Variants in ADAM12 observed in about 807,000 individuals in gnomAD.
The protein encoded by ADAM12 is disintegrin and metalloproteinase domain-containing protein 12.
In ADAM12, 70 loss-of-function variants were observed where a neutral mutation model predicts 106.4. That is an observed-to-expected ratio of 0.66 (90% CI 0.54 to 0.80). The LOEUF is 0.80. Among genes scored for constraint, ADAM12 ranks in the 30% least tolerant of loss-of-function variants. The pLI is 0.00. For missense variants in ADAM12, 1,010 were observed against 1,171.9 expected, an observed-to-expected ratio of 0.86 and a Z score of 2.02; for synonymous variants, 420 against 433.5, an observed-to-expected ratio of 0.97 and a Z score of 0.39.
At chr10:126,206,499 A>T (rs1957796884) in intron 3 of ADAM12, among the ~76,000 whole-genome samples, 1 of 152,180 alleles carries the variant, frequency 6.6e-6, no homozygotes, top group African/African-American at 2.4e-5. Flanking sequence ...ATGAGCAAAG[A>T]GAAACCCCCA....
At chr10:126,134,890 T>G (rs1956376371) in intron 5 of ADAM12, among the ~76,000 whole-genome samples, 1 of 152,174 alleles carries the variant, frequency 6.6e-6, no homozygotes, top group Admixed American at 6.5e-5. Context: ...TACAAACATT[T>G]AGTTCACAAA....
chr10:126,319,202 G>A (rs1854005233), intron 2 of ADAM12, among the ~76,000 whole-genome samples: 1 of 152,150 alleles, frequency 6.6e-6, no homozygotes, highest in African/African-American at 2.4e-5. Flanking sequence ...AATAATGGAT[G>A]CAGCTACCTC....
chr10:126,275,840 A>G (rs1405905642), intron 3 of ADAM12, among the ~76,000 whole-genome samples: 1 of 152,198 alleles, frequency 6.6e-6, no homozygotes, highest in Non-Finnish European at 1.5e-5. Flanking sequence ...TAATTTTAAA[A>G]GTAATATTTT....
intron 2 of ADAM12, among the ~76,000 whole-genome samples, chr10:126,324,820 T>C (rs1379649529): frequency 6.6e-6 from 1 of 151,978 alleles, no homozygotes; most frequent in East Asian, 1.9e-4. Context: ...TGATTGGAAG[T>C]AGATGATCAA....
chr10:126,019,613 C>A (rs1241409554), intron 22 of ADAM12, 82 bp downstream of exon 22: 2 of 1,543,880 alleles, frequency 1.3e-6, no homozygotes, highest in African/African-American at 2.7e-5. Flanking sequence ...ACCACTGCAC[C>A]CCTGTCCTGG....
chr10:126,092,151 A>G (rs1396293741), intron 11 of ADAM12, among the ~76,000 whole-genome samples: 2 of 152,242 alleles, frequency 1.3e-5, no homozygotes, highest in Non-Finnish European at 2.9e-5. Flanking sequence ...AACATTAACA[A>G]TATTAACAAT....
chr10:126,191,436 G>A lies in ADAM12; in HGVS notation c.261-36131C>T, dbSNP rs537503845. Among the ~76,000 whole-genome samples the A allele has an allele frequency of 2.6e-5, 4 of 152,272 alleles. 1 individual carries two copies. In the South Asian group the frequency reaches 8.3e-4, roughly 32 times the overall value. On this transcript the variant is annotated intron_variant, in intron 3 of 22. Transcript: ENST00000448723. Reference sequence around the variant, plus strand: ...AGGAAGTCAGCAGGTGACCGCATGAGTCCAGATGAAAGGTGATGATGGTTT... The same window carrying A: ...AGGAAGTCAGCAGGTGACCGCATGAATCCAGATGAAAGGTGATGATGGTTT...
intron 1 of ADAM12, among the ~76,000 whole-genome samples, chr10:126,353,692 G>GTCTT (rs1855441288): frequency 1.3e-5 from 2 of 152,124 alleles, no homozygotes; most frequent in Non-Finnish European, 2.9e-5. Flanking sequence ...ACCACTATTT[G>GTCTT]TGAATAGACA....
At chr10:126,046,482 C>T (rs1158404022) in intron 16 of ADAM12, among the ~76,000 whole-genome samples, 3 of 152,002 alleles carry the variant, frequency 2.0e-5, no homozygotes, top group Non-Finnish European at 4.4e-5. Flanking sequence ...CTATGTACTG[C>T]AGTATTTTTT....
intron 12 of ADAM12, among the ~76,000 whole-genome samples, chr10:126,068,478 T>C (rs1954918567): frequency 6.6e-6 from 1 of 152,170 alleles, no homozygotes; most frequent in Admixed American, 6.5e-5. Context: ...GGGATGATAA[T>C]GTGAGAAAGA....
intron 3 of ADAM12, among the ~76,000 whole-genome samples, chr10:126,162,674 G>A (rs772200810): frequency 5.3e-5 from 8 of 152,086 alleles, no homozygotes; most frequent in Admixed American, 1.3e-4. Context: ...TGGTGTGAGC[G>A]TCCATACAGA....
chr10:126,375,709 A>AT (rs1261396260), intron 1 of ADAM12, among the ~76,000 whole-genome samples: 1 of 148,378 alleles, frequency 6.7e-6, no homozygotes, highest in African/African-American at 2.4e-5. Flanking sequence ...AAAAAAAAAA[A>AT]AACAAGGAGA....
At chr10:126,219,311 C>G (rs1405381621) in intron 3 of ADAM12, among the ~76,000 whole-genome samples, 5 of 152,168 alleles carry the variant, frequency 3.3e-5, no homozygotes, top group African/African-American at 1.2e-4. Context: ...TGACCTGCTT[C>G]GGGAGGCTCT....
At chr10:126,160,723 T>A (rs567802020) in intron 3 of ADAM12, among the ~76,000 whole-genome samples, 11 of 152,292 alleles carry the variant, frequency 7.2e-5, no homozygotes, top group Non-Finnish European at 1.6e-4. Context: ...TTGTTGGCCC[T>A]GGGGTGAAAT....
At chr10:126,225,473 A>T (rs1032476990) in intron 3 of ADAM12, among the ~76,000 whole-genome samples, 10 of 152,298 alleles carry the variant, frequency 6.6e-5, no homozygotes, top group African/African-American at 2.4e-4. Context: ...GCAGAGCCAG[A>T]GCTTCCGTCA....
At chr10:126,384,548 C>T (rs1324862773) in intron 1 of ADAM12, among the ~76,000 whole-genome samples, 1 of 151,552 alleles carries the variant, frequency 6.6e-6, no homozygotes, top group Non-Finnish European at 1.5e-5. Flanking sequence ...CCGTGAGTCA[C>T]ATTGGAACAG....
chr10:126,042,411 G>T (rs1032541553), intron 18 of ADAM12, among the ~76,000 whole-genome samples: 3 of 135,674 alleles, frequency 2.2e-5, no homozygotes, highest in Admixed American at 7.8e-5. Flanking sequence ...ACCTGTGTGT[G>T]TGTAAATCTT....
At position 126,114,292 on chromosome 10, in the gene ADAM12, T is replaced by C. The variant is rs561263349; in HGVS notation, c.603+3746A>G. On this transcript the variant is annotated intron_variant, in intron 6 of 22. Coordinates refer to ENST00000448723, the MANE Select transcript of ADAM12 (RefSeq NM_001288973.2). ...TGTTAATAGGGAGAAATGTGAAGTATTGAAATTAAGCCTTAAAAACGAATG... is the reference window on the plus strand; with the variant it reads ...TGTTAATAGGGAGAAATGTGAAGTACTGAAATTAAGCCTTAAAAACGAATG... 2.6e-5 allele frequency among the ~76,000 whole-genome samples: 4 copies of C among 152,236 alleles called. No homozygotes were observed. The East Asian group carries it at 7.7e-4, about 29-fold the overall frequency.
chr10:126,192,260 T>G (rs889300631), intron 3 of ADAM12, among the ~76,000 whole-genome samples: 2 of 152,180 alleles, frequency 1.3e-5, no homozygotes, highest in Admixed American at 6.5e-5. Flanking sequence ...GAGAACTGCA[T>G]GAGTTAATAT....
Sources: allele counts gnomAD v4.1 joint callset (sites outside exome capture counted in the v4.1 genomes callset), GRCh38; gene constraint gnomAD v4.1.1; transcripts MANE v1.5; gene names NCBI Gene and HGNC (gene_info 2026-07-23, HGNC 2026-07-21).